LSAMP: variants seen among roughly 807,000 people sequenced by gnomAD.
The protein encoded by LSAMP is limbic system-associated membrane protein.
LSAMP carries 7 observed loss-of-function variants against 38.6 expected under a neutral mutation model. The observed-to-expected ratio is 0.18, with a 90% CI of 0.10 to 0.34. LSAMP has a LOEUF of 0.34. Among genes scored for constraint, LSAMP ranks in the 10% least tolerant of loss-of-function variants. The probability of loss-of-function intolerance (pLI) is 1.00; values close to 1 mark genes in which losing one functional copy is unlikely to be tolerated. For missense variants in LSAMP, 313 were observed against 420.0 expected (o/e 0.75, Z 2.23); for synonymous variants, 154 against 166.8 (o/e 0.92, Z 0.59).
At chr3:116,366,152 A>T (rs2048350762) in intron 1 of LSAMP, among the ~76,000 whole-genome samples, 1 of 151,920 alleles carries the variant, frequency 6.6e-6, no homozygotes, top group South Asian at 2.1e-4. Flanking sequence ...CAGAGTCTAT[A>T]AGGAACTTAA....
intron 1 of LSAMP, among the ~76,000 whole-genome samples, chr3:116,159,197 C>T (rs1227575822): frequency 6.6e-6 from 1 of 152,092 alleles, no homozygotes; most frequent in Non-Finnish European, 1.5e-5. Context: ...TAGGACGTTG[C>T]AAAGATTTCA....
intron 1 of LSAMP, among the ~76,000 whole-genome samples, chr3:116,159,206 C>A (rs1337517018): frequency 6.6e-6 from 1 of 152,144 alleles, no homozygotes; most frequent in Non-Finnish European, 1.5e-5. Context: ...GCAAAGATTT[C>A]ATGACGAAGA....
At chr3:116,293,880 T>C (rs1209018073) in intron 1 of LSAMP, among the ~76,000 whole-genome samples, 1 of 152,060 alleles carries the variant, frequency 6.6e-6, no homozygotes, top group African/African-American at 2.4e-5. Flanking sequence ...CTAAAAAATG[T>C]ACTCTTTTCT....
chr3:115,836,156 C>T (rs1934773721), intron 6 of LSAMP, among the ~76,000 whole-genome samples: 1 of 152,146 alleles, frequency 6.6e-6, no homozygotes, highest in Admixed American at 6.5e-5. Flanking sequence ...TCTTACCCAC[C>T]CTCCTTTCAG....
Position 116,209,178 on chromosome 3 carries a change from AC to A in LSAMP, c.156-122623del, listed in dbSNP as rs924912690. On this transcript the variant is annotated intron_variant, in intron 1 of 6. Coordinates refer to ENST00000490035, the MANE Select transcript of LSAMP (RefSeq NM_002338.5). Reference sequence around the variant, plus strand: ...ACCCGATTTTCCAGGTGAGTCCGTCACCCCTTTCTTTGACTTGGAAAGGGAA... The same window carrying A: ...ACCCGATTTTCCAGGTGAGTCCGTCACCCTTTCTTTGACTTGGAAAGGGAA... Among the ~76,000 whole-genome samples the A allele has an allele frequency of 2.4e-4, 36 of 152,102 alleles. 1 individual carries two copies. Among genetic ancestry groups the A allele is most frequent in the African/African-American group, 8.4e-4 (35 of 41,514 alleles).
chr3:115,823,417 A>T (rs1011121031), intron 6 of LSAMP, among the ~76,000 whole-genome samples: 1 of 152,236 alleles, frequency 6.6e-6, no homozygotes, highest in African/African-American at 2.4e-5. Flanking sequence ...AAGACATTTT[A>T]TGTTTTTAAC....
intron 3 of LSAMP, among the ~76,000 whole-genome samples, chr3:115,961,332 C>G (rs1938619662): frequency 6.6e-6 from 1 of 152,184 alleles, no homozygotes; most frequent in South Asian, 2.1e-4. Flanking sequence ...ACAATTTTAT[C>G]TTATGGAGAA....
At chr3:116,127,299 CAAT>C (rs1253280346) in intron 1 of LSAMP, among the ~76,000 whole-genome samples, 1 of 152,076 alleles carries the variant, frequency 6.6e-6, no homozygotes, top group Non-Finnish European at 1.5e-5. Context: ...TGGGTATTGA[CAAT>C]AACATCCAAG....
chr3:116,077,833 C>T (rs1040382945), intron 2 of LSAMP, among the ~76,000 whole-genome samples: 2 of 152,288 alleles, frequency 1.3e-5, no homozygotes, highest in South Asian at 4.1e-4. Context: ...ATAACCTAGA[C>T]ATTTATGAAG....
At chr3:115,831,726 C>T (rs1035767978) in intron 6 of LSAMP, among the ~76,000 whole-genome samples, 2 of 152,092 alleles carry the variant, frequency 1.3e-5, no homozygotes, top group African/African-American at 4.8e-5. Flanking sequence ...CAAATTTATG[C>T]AATTCAGGAC....
intron 1 of LSAMP, among the ~76,000 whole-genome samples, chr3:116,241,458 C>T (rs986192057): frequency 2.6e-5 from 4 of 151,872 alleles, no homozygotes; most frequent in South Asian, 2.1e-4. Flanking sequence ...CCCAGCTACT[C>T]GGGAGGGTGA....
At chr3:116,323,302 T>A (rs905290633) in intron 1 of LSAMP, among the ~76,000 whole-genome samples, 1 of 152,126 alleles carries the variant, frequency 6.6e-6, no homozygotes, top group African/African-American at 2.4e-5. Context: ...CATACCTTTT[T>A]TTTCCCCCAA....
intron 1 of LSAMP, among the ~76,000 whole-genome samples, chr3:116,412,800 C>G (rs561508852): frequency 3.4e-4 from 52 of 152,104 alleles, no homozygotes; most frequent in Non-Finnish European, 6.8e-4. Context: ...AATTGAGAGT[C>G]CTTTACTTCC....
chr3:115,984,849 C>T (rs900887678), intron 3 of LSAMP, among the ~76,000 whole-genome samples: 1 of 152,088 alleles, frequency 6.6e-6, no homozygotes, highest in African/African-American at 2.4e-5. Context: ...GAAGGGAGGA[C>T]ATGTAATCCT....
At chr3:116,049,200 C>T (rs1036121205) in intron 2 of LSAMP, among the ~76,000 whole-genome samples, 1 of 152,126 alleles carries the variant, frequency 6.6e-6, no homozygotes, top group African/African-American at 2.4e-5. Context: ...TGCTTTCTGC[C>T]AAACAGAATC....
chr3:115,911,805 G>C (rs568559373), intron 3 of LSAMP, among the ~76,000 whole-genome samples: 1 of 152,280 alleles, frequency 6.6e-6, no homozygotes, highest in African/African-American at 2.4e-5. Context: ...CACCAACAAA[G>C]TATGAATTAT....
At chr3:116,055,371 A>G (rs1941472459) in intron 2 of LSAMP, among the ~76,000 whole-genome samples, 1 of 152,208 alleles carries the variant, frequency 6.6e-6, no homozygotes, top group Non-Finnish European at 1.5e-5. Flanking sequence ...AGTTGTGGTC[A>G]TTGCCATAAC....
At chr3:116,186,555 A>G (rs550284344) in intron 1 of LSAMP, among the ~76,000 whole-genome samples, 1 of 152,276 alleles carries the variant, frequency 6.6e-6, no homozygotes, top group African/African-American at 2.4e-5. Flanking sequence ...AATTTCTTGA[A>G]TAGAATTAAT....
chr3:115,875,832 A>G (rs1936166214), intron 3 of LSAMP, among the ~76,000 whole-genome samples: 1 of 152,138 alleles, frequency 6.6e-6, no homozygotes. Flanking sequence ...ATATTTTGAA[A>G]TAACTTTTAA....
Sources: allele counts gnomAD v4.1 joint callset (sites outside exome capture counted in the v4.1 genomes callset), GRCh38; gene constraint gnomAD v4.1.1; transcripts MANE v1.5; gene names NCBI Gene and HGNC (gene_info 2026-07-23, HGNC 2026-07-21).